MAGI2: variants seen among roughly 807,000 people sequenced by gnomAD.
MAGI2 encodes membrane-associated guanylate kinase, WW and PDZ domain-containing protein 2.
A neutral mutation model predicts 133.3 loss-of-function variants in MAGI2; 35 were observed. The ratio of observed to expected loss-of-function variants is 0.26; its 90% CI spans 0.20 to 0.35. MAGI2 has a LOEUF of 0.35. Among genes scored for constraint, MAGI2 ranks in the 10% least tolerant of loss-of-function variants. MAGI2 has a pLI of 1.00. For synonymous variants in MAGI2, 729 were observed against 710.6 expected, an observed-to-expected ratio of 1.03 and a Z score of -0.41; for missense variants, 1,636 against 1,863.4, an observed-to-expected ratio of 0.88 and a Z score of 2.25.
chr7:78,522,972 C>T (rs1033312349), intron 3 of MAGI2, among the ~76,000 whole-genome samples: 3 of 151,894 alleles, frequency 2.0e-5, no homozygotes, highest in African/African-American at 7.3e-5. Context: ...CTAAGGGAGA[C>T]CAAATTTGAT....
chr7:78,751,727 A>G (rs891711554), intron 2 of MAGI2, among the ~76,000 whole-genome samples: 7 of 152,232 alleles, frequency 4.6e-5, no homozygotes, highest in African/African-American at 1.7e-4. Flanking sequence ...AGGACAAACT[A>G]TAATATATGA....
intron 6 of MAGI2, among the ~76,000 whole-genome samples, chr7:78,452,952 T>C (rs975939902): frequency 6.6e-6 from 1 of 152,088 alleles, no homozygotes; most frequent in Non-Finnish European, 1.5e-5. Flanking sequence ...GAAAAAAAAA[T>C]CACACTTGCT....
chr7:78,535,872 A>ACCCCCCCCC (rs148139487), intron 3 of MAGI2, among the ~76,000 whole-genome samples: 21 of 118,080 alleles, frequency 1.8e-4, no homozygotes, highest in African/African-American at 4.5e-4. Context: ...TCTTGTGTAC[A>ACCCCCCCCC]CCCCCCCCGC....
chr7:78,477,500 C>T (rs1449939107), intron 6 of MAGI2, among the ~76,000 whole-genome samples: 1 of 151,902 alleles, frequency 6.6e-6, no homozygotes, highest in Non-Finnish European at 1.5e-5. Context: ...AACTGTTTCA[C>T]AGTTCCACAT....
intron 6 of MAGI2, among the ~76,000 whole-genome samples, chr7:78,458,621 C>T (rs1175578518): frequency 6.9e-6 from 1 of 145,462 alleles, no homozygotes; most frequent in Non-Finnish European, 1.5e-5. Context: ...ATCTTTGCTG[C>T]AATCTGTTTT....
At chr7:78,051,525 G>A (rs1811998374) in intron 21 of MAGI2, among the ~76,000 whole-genome samples, 1 of 152,188 alleles carries the variant, frequency 6.6e-6, no homozygotes, top group Non-Finnish European at 1.5e-5. Flanking sequence ...AATTCACAGT[G>A]CAGCCATTGC....
chr7:79,352,294 G>A (rs1443457272), intron 1 of MAGI2, among the ~76,000 whole-genome samples: 2 of 152,192 alleles, frequency 1.3e-5, no homozygotes, highest in Non-Finnish European at 2.9e-5. Flanking sequence ...TCTCATTTGG[G>A]AAAATATTAA....
chr7:79,093,339 G>T (rs935537629), intron 1 of MAGI2, among the ~76,000 whole-genome samples: 6 of 152,056 alleles, frequency 3.9e-5, no homozygotes, highest in African/African-American at 1.4e-4. Context: ...AAATTCTTTA[G>T]CATATATACA....
intron 1 of MAGI2, among the ~76,000 whole-genome samples, chr7:79,212,455 C>A (rs373652232): frequency 1.3e-5 from 2 of 152,082 alleles, no homozygotes; most frequent in African/African-American, 4.8e-5. Flanking sequence ...CAATTCACCT[C>A]CCAATAAATA....
At chr7:79,272,063 A>C (rs1834919351) in intron 1 of MAGI2, among the ~76,000 whole-genome samples, 1 of 152,114 alleles carries the variant, frequency 6.6e-6, no homozygotes, top group South Asian at 2.1e-4. Context: ...CATTTTTATG[A>C]ATTATTATTC....
intron 9 of MAGI2, among the ~76,000 whole-genome samples, chr7:78,279,667 C>T (rs1795368487): frequency 6.6e-6 from 1 of 151,960 alleles, no homozygotes; most frequent in Non-Finnish European, 1.5e-5. Context: ...GTTCAGATCC[C>T]TCTGAGTGGG....
At chr7:78,943,608 T>C (rs1306819767) in intron 2 of MAGI2, among the ~76,000 whole-genome samples, 1 of 152,160 alleles carries the variant, frequency 6.6e-6, no homozygotes, top group Non-Finnish European at 1.5e-5. Context: ...AAACTCATTT[T>C]AGGAAGATTA....
At chr7:79,372,869 G>T (rs1843137002) in intron 1 of MAGI2, among the ~76,000 whole-genome samples, 1 of 152,018 alleles carries the variant, frequency 6.6e-6, no homozygotes, top group Non-Finnish European at 1.5e-5. Flanking sequence ...TATATTTGAA[G>T]TCATTCTATG....
intron 1 of MAGI2, among the ~76,000 whole-genome samples, chr7:79,372,737 T>G (rs2129135199): frequency 6.6e-6 from 1 of 152,218 alleles, no homozygotes; most frequent in East Asian, 1.9e-4. Context: ...TAACTTCTTT[T>G]TATTTTGACT....
At chr7:78,521,052 A>G (rs1197333261) in intron 4 of MAGI2, among the ~76,000 whole-genome samples, 1 of 152,180 alleles carries the variant, frequency 6.6e-6, no homozygotes, top group African/African-American at 2.4e-5. Flanking sequence ...ATATTAATTA[A>G]CAGAGAGCTC....
At chr7:78,297,676 G>T (rs1344428095) in intron 9 of MAGI2, among the ~76,000 whole-genome samples, 1 of 151,844 alleles carries the variant, frequency 6.6e-6, no homozygotes, top group Admixed American at 6.6e-5. Context: ...CATGTCCTTT[G>T]TAGGGACATG....
At chr7:78,204,185 A>G (rs531812360) in intron 10 of MAGI2, among the ~76,000 whole-genome samples, 157 of 152,340 alleles carry the variant, frequency 1.0e-3, no homozygotes, top group African/African-American at 3.7e-3. Flanking sequence ...ATTTCTAATA[A>G]TAATTATGGA....
In MAGI2 at chr7:78,124,861, CTT is replaced by C. The variant is rs10707820; in HGVS notation, c.3567+831_3567+832del. 5.9e-3 allele frequency among the ~76,000 whole-genome samples: 814 copies of C among 137,412 alleles called. 3 individuals carry two copies. The highest frequency in any genetic ancestry group is 0.015 in the African/African-American group (546 of 36,700). 90.1% of individuals were successfully genotyped at this position (137,412 alleles called of 152,430 possible). A position where few individuals can be genotyped will look rare whatever the true frequency, so the allele number is the denominator to read the frequency against. On this transcript the variant is annotated intron_variant, in intron 20 of 21. Transcript: ENST00000354212. ...TAATTGGAAAATTTCTAGCTGCTGT[CTT>C]TTTTTTTTTTTTTTCTTGAGACAGA...
chr7:79,298,389 T>C lies in MAGI2; in HGVS notation c.301+154631A>G, dbSNP rs559630686. Among the ~76,000 whole-genome samples, 6 of 152,228 alleles carry C rather than the reference T, an allele frequency of 3.9e-5. No homozygotes were observed. In the East Asian group the frequency reaches 1.2e-3, roughly 29 times the overall value. ...AGCATAACAAAATTGCTATGAGAGT[T>C]CCTAACTTGGGGAGCTAAGTAAGTT... On this transcript the variant is annotated intron_variant, in intron 1 of 21. Transcript: ENST00000354212.
Sources: allele counts gnomAD v4.1 joint callset (sites outside exome capture counted in the v4.1 genomes callset), GRCh38; gene constraint gnomAD v4.1.1; transcripts MANE v1.5; gene names NCBI Gene and HGNC (gene_info 2026-07-23, HGNC 2026-07-21).